RRN3: variants seen among roughly 807,000 people sequenced by gnomAD.
RRN3 encodes RNA polymerase I-specific transcription initiation factor RRN3.
RRN3 carries 38 observed loss-of-function variants against 82.3 expected under a neutral mutation model. That is an observed-to-expected ratio of 0.46 (90% CI 0.36 to 0.61). The LOEUF (loss-of-function observed/expected upper bound fraction) is 0.61. RRN3 is among the 20% of genes least tolerant of loss of function. The pLI, the probability that RRN3 is intolerant of heterozygous loss-of-function variation, is 0.00. For missense variants in RRN3, 726 were observed against 793.1 expected (o/e 0.92, Z 1.02); for synonymous variants, 284 against 284.3 (o/e 1.00, Z 0.01).
At chr16:15,065,434 G>A (rs2151762479) in intron 15 of RRN3, 63 bp from the exon 16 acceptor site, 1 of 1,434,564 alleles carries the variant, frequency 7.0e-7, no homozygotes, top group Non-Finnish European at 9.6e-7. Context: ...CGGTGCAGAT[G>A]TGAGCTGCGT....
At chr16:15,062,413 A>C (rs1013428498) in intron 17 of RRN3, among the ~76,000 whole-genome samples, 1 of 152,218 alleles carries the variant, frequency 6.6e-6, no homozygotes, top group African/African-American at 2.4e-5. Flanking sequence ...TCCAATGATT[A>C]CTTATTAAAA....
At position 15,066,506 on chromosome 16, in the gene RRN3, G is replaced by T. The variant is rs183292506; in HGVS notation, c.1554-1135C>A. The stretch of plus-strand genomic sequence containing the variant: ...AAATTAGCTGGGCGTGGTGGCAGGC[G>T]CCTGTAGTCCCAGCTATTCGGGAGG... On this transcript the variant is annotated intron_variant, in intron 15 of 17. Coordinates refer to ENST00000198767, the MANE Select transcript of RRN3 (RefSeq NM_018427.5). Among the ~76,000 whole-genome samples, 457 of 151,922 alleles carry T rather than the reference G, an allele frequency of 3.0e-3. 1 individual carries two copies. The highest frequency in any genetic ancestry group is 0.011 in the African/African-American group (444 of 41,458).
At chr16:15,089,530 G>C (rs569568325) in intron 3 of RRN3, among the ~76,000 whole-genome samples, 1 of 152,222 alleles carries the variant, frequency 6.6e-6, no homozygotes, top group Middle Eastern at 3.4e-3. Flanking sequence ...GCCGGGCGTG[G>C]TTACTCACGC....
chr16:15,082,451 T>C (rs1245654900), intron 8 of RRN3, among the ~76,000 whole-genome samples: 1 of 152,084 alleles, frequency 6.6e-6, no homozygotes, highest in Non-Finnish European at 1.5e-5. Context: ...GACGGGTAGA[T>C]CGCTTGAGGT....
At chr16:15,078,593 G>A (rs1406648901) in intron 9 of RRN3, among the ~76,000 whole-genome samples, 3 of 152,010 alleles carry the variant, frequency 2.0e-5, no homozygotes, top group Admixed American at 6.6e-5. Flanking sequence ...TCCTCCTTCC[G>A]GCGGATCCTT....
chr16:15,094,291 A>G (rs1300415874), upstream of RRN3: 2 of 1,397,298 alleles, frequency 1.4e-6, no homozygotes, highest in East Asian at 2.5e-5. Flanking sequence ...CCTTCCAGCC[A>G]CAGCCTCTGT....
At chr16:15,091,103 C>T (rs1436688568) in intron 3 of RRN3, among the ~76,000 whole-genome samples, 2 of 152,032 alleles carry the variant, frequency 1.3e-5, no homozygotes, top group Non-Finnish European at 2.9e-5. Context: ...GCCAGTAGCA[C>T]CCTTTCCTCC....
chr16:15,066,312 C>G (rs2044970908), intron 15 of RRN3, among the ~76,000 whole-genome samples: 1 of 152,278 alleles, frequency 6.6e-6, no homozygotes, highest in South Asian at 2.1e-4. Context: ...TGTGCCCACA[C>G]ACAAGAATGT....
At chr16:15,083,716 G>C (rs2045797428) in intron 7 of RRN3, 134 bp from the exon 8 acceptor site, 2 of 1,330,490 alleles carry the variant, frequency 1.5e-6, no homozygotes, top group Non-Finnish European at 2.0e-6. Flanking sequence ...CAAAGAACTG[G>C]AACTTTTTTT....
At chr16:15,072,860 T>C (rs2045295107) in intron 12 of RRN3, 90 bp downstream of exon 12, 1 of 1,295,796 alleles carries the variant, frequency 7.7e-7, no homozygotes, top group Non-Finnish European at 1.1e-6. Flanking sequence ...AATTATTTAC[T>C]TCATGGTCTC....
At position 15,074,815 on chromosome 16, in the gene RRN3, C is replaced by T. The variant is rs1366981961; in HGVS notation, c.905G>A (p.Arg302Gln). Reference protein sequence around the residue: ...TEHETKAGPERLDQMVHPVAE... With the variant: ...TEHETKAGPEQLDQMVHPVAE... ...TACAGGATGCACCATCTGGTCGAGC[C>T]GTTCAGGACCAGCCTTTGTTTCATG... The change falls in exon 11 of 18, where the codon CGG (arginine) becomes CAG (glutamine). Residue 302 changes from arginine (R) to glutamine (Q), a missense_variant. Around this residue, in one of 4 missense-constraint regions of RRN3, gnomAD observed 344 missense variants for 394.5 expected, o/e 0.87. Transcript: ENST00000198767. 13 of 1,613,748 alleles carry T rather than the reference C, an allele frequency of 8.1e-6. No individual in the cohort carries two copies. Among genetic ancestry groups the T allele is most frequent in the Middle Eastern group, 1.7e-4 (1 of 6,026 alleles).
rs932261237 is a variant in RRN3 at position 15,084,512 on chromosome 16, T to C, written c.596+130A>G. ...ACTTTTTGTAGAATGTAATGTTTCC[T>C]CAAGTGGATACAAAAAAAACATGCA... On this transcript the variant is annotated intron_variant, in intron 7 of 17. Coordinates refer to ENST00000198767, the MANE Select transcript of RRN3 (RefSeq NM_018427.5). 18 of 636,212 alleles carry C rather than the reference T, an allele frequency of 2.8e-5. No individual in the cohort carries two copies. In the African/African-American group the frequency reaches 3.2e-4, roughly 11 times the overall value. The allele number at this position is 636,212 out of a possible 1,614,324, so 39.4% of individuals were successfully genotyped here.
intron 16 of RRN3, 32 bp downstream of exon 16, chr16:15,065,187 C>T (rs778641286): frequency 4.5e-6 from 7 of 1,559,416 alleles, no homozygotes; most frequent in Non-Finnish European, 6.1e-6. Context: ...AAAAATCCAC[C>T]TCCTCCAGCG....
chr16:15,064,201 A>T (rs1164982466), intron 16 of RRN3, among the ~76,000 whole-genome samples: 1 of 151,820 alleles, frequency 6.6e-6, no homozygotes, highest in Non-Finnish European at 1.5e-5. Flanking sequence ...TCTGAGACAG[A>T]GTCTCACTCT....
At chr16:15,064,937 C>T (rs548142004) in intron 16 of RRN3, among the ~76,000 whole-genome samples, 1 of 152,252 alleles carries the variant, frequency 6.6e-6, no homozygotes, top group South Asian at 2.1e-4. Flanking sequence ...GAGGCCGAGG[C>T]GGGCGGATCA....
chr16:15,082,566 G>A (rs574174787), intron 8 of RRN3, among the ~76,000 whole-genome samples: 6 of 151,920 alleles, frequency 3.9e-5, no homozygotes, highest in South Asian at 4.2e-4. Flanking sequence ...CCACCTACTC[G>A]GGAGGCTGAG....
At position 15,086,073 on chromosome 16, in the gene RRN3, T is replaced by C. The variant is rs2045905495; in HGVS notation, c.472+56A>G. Reference sequence around the variant, plus strand: ...CAGTCTCTCATATATAAGGGGAAGGTAGTATTTTAATAAAGAAGTATTAAA... The same window carrying C: ...CAGTCTCTCATATATAAGGGGAAGGCAGTATTTTAATAAAGAAGTATTAAA... On this transcript the variant is annotated intron_variant, in intron 5 of 17. Coordinates refer to ENST00000198767, the MANE Select transcript of RRN3 (RefSeq NM_018427.5). 1.8e-5 allele frequency: 27 copies of C among 1,514,572 alleles called. 1 individual carries two copies. The highest frequency in any genetic ancestry group is 2.3e-5 in the Non-Finnish European group (26 of 1,111,744). 93.8% of individuals were successfully genotyped at this position (1,514,572 alleles called of 1,614,324 possible).
At position 15,076,547 on chromosome 16, in the gene RRN3, A is replaced by C; in HGVS notation, c.858+11T>G. ...AAACTTCATCTCCACTTTCATTAAT[A>C]AACTGCTAACCATATTAAACAATCC... On this transcript the variant is annotated intron_variant, in intron 10 of 17. Transcript: ENST00000198767. 6.3e-7 allele frequency: 1 copy of C among 1,578,684 alleles called. No individual in the cohort carries two copies. Among genetic ancestry groups the C allele is most frequent in the Non-Finnish European group, 8.7e-7 (1 of 1,147,486 alleles).
chr16:15,077,330 G>T (rs930594912), intron 9 of RRN3, among the ~76,000 whole-genome samples: 4 of 152,118 alleles, frequency 2.6e-5, no homozygotes, highest in African/African-American at 4.8e-5. Context: ...ATGTTGCTGG[G>T]GGGGGACTGG....
Sources: gnomAD v4.1 joint callset for allele counts (sites outside exome capture counted in the v4.1 genomes callset) on GRCh38, gnomAD v4.1.1 for gene constraint, gnomAD v4.1.1 regional missense constraint, MANE v1.5 for transcripts, NCBI Gene and HGNC (gene_info 2026-07-23, HGNC 2026-07-21) for gene names.